SLC25A46: variants seen among roughly 807,000 people sequenced by gnomAD.
SLC25A46 encodes the protein solute carrier family 25 member 46, also known as mitochondrial outer membrane protein SLC25A46.
Under a neutral mutation model 44.6 loss-of-function variants are expected in SLC25A46, and 39 were observed. That is an observed-to-expected ratio of 0.87 (90% CI 0.68 to 1.14). SLC25A46 has a LOEUF of 1.14. Among genes scored for constraint, SLC25A46 ranks in the 50% most tolerant of loss-of-function variants. SLC25A46 has a pLI of 0.00. For synonymous variants in SLC25A46, 202 were observed against 185.8 expected (o/e 1.09, Z -0.71); for missense variants, 547 against 522.7 (o/e 1.05, Z -0.45).
At chr5:110,739,004 G>A, upstream of SLC25A46, 1 of 1,469,844 alleles carries the variant, frequency 6.8e-7, no homozygotes. Flanking sequence ...ACTTCCGGTT[G>A]TCAGAATTTA....
chr5:110,755,575 A>G (rs1328743463), intron 6 of SLC25A46, 54 bp downstream of exon 6: 3 of 1,109,036 alleles, frequency 2.7e-6, no homozygotes, highest in African/African-American at 3.2e-5. Context: ...TTTTTATAGT[A>G]TTAGAACTGG....
chr5:110,764,367 A>T lies in SLC25A46; in HGVS notation c.*2585A>T, dbSNP rs1402558977. On this transcript the variant is annotated 3_prime_UTR_variant, in exon 8 of 8. Coordinates refer to ENST00000355943, the MANE Select transcript of SLC25A46 (RefSeq NM_138773.4). ...TCAATTTTATTTTATGGGCTCCAAA[A>T]AAAATTATCTGGGTTAATAAGGTTA... is the stretch of plus-strand genomic sequence containing the variant. 6.6e-6 allele frequency: 1 copy of T among 151,914 alleles called. No homozygotes were observed. Among genetic ancestry groups the T allele is most frequent in the Non-Finnish European group, 1.5e-5 (1 of 67,910 alleles). The allele number at this position is 151,914 out of a possible 1,614,324, so 9.4% of individuals were successfully genotyped here. A position where few individuals can be genotyped will look rare whatever the true frequency, so the allele number is the denominator to read the frequency against.
intron 5 of SLC25A46, among the ~76,000 whole-genome samples, chr5:110,752,059 T>C (rs1351061358): frequency 2.0e-5 from 3 of 152,132 alleles, no homozygotes; most frequent in Admixed American, 6.6e-5. Context: ...AGCTACTACA[T>C]GAGGAGGATG....
At chr5:110,760,920 C>T (rs1233252911) in intron 7 of SLC25A46, among the ~76,000 whole-genome samples, 1 of 152,020 alleles carries the variant, frequency 6.6e-6, no homozygotes, top group Non-Finnish European at 1.5e-5. Context: ...TAGTTATTGC[C>T]TTTCCATGTG....
chr5:110,751,427 C>A (rs1199262033), intron 5 of SLC25A46, among the ~76,000 whole-genome samples: 1 of 152,092 alleles, frequency 6.6e-6, no homozygotes, highest in Non-Finnish European at 1.5e-5. Flanking sequence ...TACAAAAATG[C>A]TGTTGCAGTG....
At chr5:110,750,005 G>GGATT (rs1336661408) in intron 5 of SLC25A46, among the ~76,000 whole-genome samples, 28 of 151,958 alleles carry the variant, frequency 1.8e-4, no homozygotes, top group African/African-American at 6.7e-4. Context: ...TGAATTTTTT[G>GGATT]CATTGTTAAA....
At chr5:110,742,555 A>G (rs1238669402) in intron 2 of SLC25A46, among the ~76,000 whole-genome samples, 1 of 152,064 alleles carries the variant, frequency 6.6e-6, no homozygotes, top group East Asian at 1.9e-4. Flanking sequence ...ACAGTGATCT[A>G]GTTTCATTTT....
intron 5 of SLC25A46, chr5:110,754,407 T>C (rs1800052390): frequency 6.6e-6 from 1 of 151,392 alleles, no homozygotes; most frequent in South Asian, 2.1e-4. Flanking sequence ...CTTTTCTTTT[T>C]TTTTTACCCT....
At position 110,742,083 on chromosome 5, in the gene SLC25A46, T is replaced by C; in HGVS notation, c.320T>C (p.Leu107Pro). Residue 107 changes from leucine to proline, a missense_variant, in exon 2 of 8, where the codon CTT becomes CCT. Physicochemically the swap from Leu to Pro is moderately conservative, Grantham distance 98. Coordinates refer to ENST00000355943, the MANE Select transcript of SLC25A46 (RefSeq NM_138773.4). ...LNRFAGFGIG[L>P]ASLFTENVLA... ...AGATTTGCTGGATTTGGTATTGGAC[T>C]TGCAAGGTAATGTTTTATCTAAAGA... is the stretch of plus-strand genomic sequence containing the variant. 6.4e-7 allele frequency: 1 copy of C among 1,571,238 alleles called. No individual in the cohort carries two copies. The highest frequency in any genetic ancestry group is 8.6e-7 in the Non-Finnish European group (1 of 1,158,628).
In SLC25A46 at chr5:110,763,552, A is replaced by G. The variant is rs1800314300; in HGVS notation, c.*1770A>G. 2.0e-5 allele frequency: 3 copies of G among 151,888 alleles called. No homozygotes were observed. 9.4% of individuals were successfully genotyped at this position (151,888 alleles called of 1,614,324 possible). ...AGCATTTAAATTGTTTTCAATTAGGATAGTTTCAGATAAGAGTAAACCAGA... is the reference window on the plus strand; with the variant it reads ...AGCATTTAAATTGTTTTCAATTAGGGTAGTTTCAGATAAGAGTAAACCAGA... On this transcript the variant is annotated 3_prime_UTR_variant, in exon 8 of 8. Transcript: ENST00000355943.
At chr5:110,751,895 G>A (rs1446841114) in intron 5 of SLC25A46, among the ~76,000 whole-genome samples, 1 of 152,154 alleles carries the variant, frequency 6.6e-6, no homozygotes, top group African/African-American at 2.4e-5. Flanking sequence ...TTTTTTTGAA[G>A]TATAGTGTGA....
chr5:110,749,342 A>C (rs971610353), intron 5 of SLC25A46, among the ~76,000 whole-genome samples: 1 of 152,114 alleles, frequency 6.6e-6, no homozygotes. Context: ...AAAAAAAAAA[A>C]ATAGAAAATT....
intron 7 of SLC25A46, among the ~76,000 whole-genome samples, chr5:110,760,371 G>A (rs576245525): frequency 2.0e-5 from 3 of 151,992 alleles, no homozygotes; most frequent in Admixed American, 1.3e-4. Flanking sequence ...AACTGATCTT[G>A]TTCTCCTTTG....
At chr5:110,738,977 T>C, upstream of SLC25A46, 1 of 1,454,870 alleles carries the variant, frequency 6.9e-7, no homozygotes. Flanking sequence ...TCCGAAGACT[T>C]CCGGGTTTCC....
chr5:110,742,100 A>C lies in SLC25A46; in HGVS notation c.326+11A>C, dbSNP rs760216361. ...TATTGGACTTGCAAGGTAATGTTTT[A>C]TCTAAAGACGTTTACAGCTTTTATT... On this transcript the variant is annotated intron_variant, in intron 2 of 7. Coordinates refer to ENST00000355943, the MANE Select transcript of SLC25A46 (RefSeq NM_138773.4). 6.5e-7 allele frequency: 1 copy of C among 1,547,700 alleles called. No homozygotes were observed. Among genetic ancestry groups the C allele is most frequent in the African/African-American group, 1.4e-5 (1 of 71,996 alleles).
chr5:110,761,366 G>C lies in SLC25A46; in HGVS notation c.841G>C (p.Val281Leu). 1 of 1,613,700 alleles carries C rather than the reference G, an allele frequency of 6.2e-7. No homozygotes were observed. The highest frequency in any genetic ancestry group is 8.5e-7 in the Non-Finnish European group (1 of 1,179,796). The change falls in exon 8 of 8, where the codon GTT becomes CTT. Residue 281 changes from valine to leucine, a missense_variant. Coordinates refer to ENST00000355943, the MANE Select transcript of SLC25A46 (RefSeq NM_138773.4). The surrounding 1 kb of genome is among the most constrained non-coding windows in gnomAD (Gnocchi z 5.3). ...HGVLHYIISSVIQKFVLLILK... is the reference protein window; with the variant it reads ...HGVLHYIISSLIQKFVLLILK... The stretch of plus-strand genomic sequence containing the variant: ...AGTTCTTCATTACATCATCAGCTCA[G>C]TTATTCAGAAGTTTGTCCTACTAAT...
intron 3 of SLC25A46, among the ~76,000 whole-genome samples, chr5:110,745,322 C>T (rs1038033935): frequency 1.3e-5 from 2 of 152,066 alleles, no homozygotes; most frequent in East Asian, 1.9e-4. Flanking sequence ...GGCATGATCT[C>T]GGCTCACTGC....
intron 2 of SLC25A46, among the ~76,000 whole-genome samples, chr5:110,742,732 C>G (rs937970135): frequency 4.6e-5 from 7 of 152,058 alleles, no homozygotes; most frequent in Non-Finnish European, 7.4e-5. Context: ...TTTCTAAACA[C>G]TCTAATGCTT....
chr5:110,761,816 T>A lies in SLC25A46; in HGVS notation c.*34T>A. ...TTCCTTCACTGAGTAGTCTGGAAGATATAATCTGGATAATTTGCTATGAAG... is the reference window on the plus strand; with the variant it reads ...TTCCTTCACTGAGTAGTCTGGAAGAAATAATCTGGATAATTTGCTATGAAG... On this transcript the variant is annotated 3_prime_UTR_variant, in exon 8 of 8. Coordinates refer to ENST00000355943, the MANE Select transcript of SLC25A46 (RefSeq NM_138773.4). This position sits in a 1 kb window ranked among gnomAD's most constrained non-coding sequence, Gnocchi z 5.3. The A allele has an allele frequency of 6.6e-7, 1 of 1,514,504 alleles. No individual in the cohort carries two copies. The highest frequency in any genetic ancestry group is 1.2e-5 in the South Asian group (1 of 81,904). The allele number at this position is 1,514,504 out of a possible 1,614,324, so 93.8% of individuals were successfully genotyped here. A position where few individuals can be genotyped will look rare whatever the true frequency, so the allele number is the denominator to read the frequency against.
Sources: gnomAD v4.1 joint callset for allele counts (sites outside exome capture counted in the v4.1 genomes callset) on GRCh38, gnomAD v4.1.1 for gene constraint, Gnocchi (gnomAD v3.1) non-coding constraint, MANE v1.5 for transcripts, NCBI Gene and HGNC (gene_info 2026-07-23, HGNC 2026-07-21) for gene names.